TMOD3: variants seen among roughly 807,000 people sequenced by gnomAD.
TMOD3 encodes the protein tropomodulin 3, also known as tropomodulin-3.
A neutral mutation model predicts 39.2 loss-of-function variants in TMOD3; 20 were observed. The observed-to-expected ratio is 0.51, with a 90% CI of 0.36 to 0.74. The LOEUF (loss-of-function observed/expected upper bound fraction) is 0.74. Ranked by LOEUF, TMOD3 falls within the 30% of genes least tolerant of loss-of-function variation. The pLI, the probability that TMOD3 is intolerant of heterozygous loss-of-function variation, is 0.00. For synonymous variants in TMOD3, 143 were observed against 145.8 expected (o/e 0.98, Z 0.14); for missense variants, 381 against 412.8 (o/e 0.92, Z 0.67).
At chr15:51,858,427 T>TAA (rs57271370) in intron 1 of TMOD3, 8 of 138,954 alleles carry the variant, frequency 5.8e-5, no homozygotes, top group African/African-American at 8.1e-5. Flanking sequence ...AATAATTTGC[T>TAA]AAAAAAAAAA....
At position 51,901,961 on chromosome 15, in the gene TMOD3, A is replaced by C. The variant is rs772156598; in HGVS notation, c.949A>C (p.Lys317Gln). ...KMLEENTNIL[K>Q]FGYQFTQQGP... ...GCTTGAGGAAAATACAAATATCCTT[A>C]AATTTGGATATCAGTTTACACAGCA... The change falls in exon 9 of 10, where the codon AAA becomes CAA. Residue 317 changes from lysine to glutamine, a missense_variant. Lys to Gln is a moderately conservative substitution (Grantham distance 53, BLOSUM62 1). Coordinates refer to ENST00000308580, the MANE Select transcript of TMOD3 (RefSeq NM_014547.5). 1 of 1,614,146 alleles carries C rather than the reference A, an allele frequency of 6.2e-7. No homozygotes were observed. The highest frequency in any genetic ancestry group is 8.5e-7 in the Non-Finnish European group (1 of 1,180,004).
intron 1 of TMOD3, among the ~76,000 whole-genome samples, chr15:51,856,354 T>C (rs2056387732): frequency 6.6e-6 from 1 of 152,194 alleles, no homozygotes; most frequent in South Asian, 2.1e-4. Flanking sequence ...TGAAGCAGAA[T>C]TGAAACTTTG....
Position 51,862,439 on chromosome 15 carries a change from C to G in TMOD3, c.-74-372C>G, listed in dbSNP as rs146798014. On this transcript the variant is annotated intron_variant, in intron 1 of 9. Transcript: ENST00000308580. The stretch of plus-strand genomic sequence containing the variant: ...AACAATATATAGTAAAACAAATGTG[C>G]CTTAAACATATTGTGCTGAAGCAAA... Among the ~76,000 whole-genome samples, 77 of 152,156 alleles carry G rather than the reference C, an allele frequency of 5.1e-4. 1 individual carries two copies. The highest frequency in any genetic ancestry group is 1.7e-3 in the African/African-American group (72 of 41,492).
intron 1 of TMOD3, chr15:51,859,983 A>G (rs2056408788): frequency 1.8e-6 from 1 of 544,698 alleles, no homozygotes. Context: ...CTTTCCAAGC[A>G]AAAGGTGATA....
intron 3 of TMOD3, among the ~76,000 whole-genome samples, chr15:51,873,643 C>T (rs577279173): frequency 1.3e-5 from 2 of 152,122 alleles, no homozygotes; most frequent in African/African-American, 4.8e-5. Flanking sequence ...AAATTATATG[C>T]CAAAATCACA....
At chr15:51,881,585 G>A (rs1305791861) in intron 3 of TMOD3, among the ~76,000 whole-genome samples, 6 of 71,266 alleles carry the variant, frequency 8.4e-5, no homozygotes, top group African/African-American at 3.7e-4. Context: ...TTTTGAGACA[G>A]AGTTTTGCTC....
chr15:51,830,576 GT>G (rs2056249852), intron 1 of TMOD3, among the ~76,000 whole-genome samples: 1 of 152,032 alleles, frequency 6.6e-6, no homozygotes. Context: ...CTTGGCCTCT[GT>G]TAAAACCAAA....
chr15:51,859,043 A>G, intron 1 of TMOD3: 1 of 388,946 alleles, frequency 2.6e-6, no homozygotes. Context: ...TAACAAGTTA[A>G]TATAAAATTA....
At chr15:51,901,316 A>G (rs1402843596) in intron 8 of TMOD3, 2 of 152,620 alleles carry the variant, frequency 1.3e-5, no homozygotes, top group African/African-American at 4.8e-5. Context: ...TCTTCAGTAT[A>G]TAGCTAGGAG....
chr15:51,870,661 A>C (rs900199545), intron 3 of TMOD3, among the ~76,000 whole-genome samples: 10 of 152,082 alleles, frequency 6.6e-5, no homozygotes, highest in Non-Finnish European at 1.2e-4. Context: ...TCTGCACCTG[A>C]CTTTTCTAAA....
chr15:51,839,412 C>T (rs1478858975), intron 1 of TMOD3, among the ~76,000 whole-genome samples: 3 of 152,060 alleles, frequency 2.0e-5, no homozygotes, highest in African/African-American at 7.2e-5. Context: ...CTCAAGCAGT[C>T]CTCCTGCCTT....
intron 7 of TMOD3, among the ~76,000 whole-genome samples, chr15:51,897,073 A>G (rs1426526792): frequency 6.6e-6 from 1 of 152,194 alleles, no homozygotes; most frequent in Non-Finnish European, 1.5e-5. Flanking sequence ...CTTTGAGAAT[A>G]TCACTCACTC....
chr15:51,853,147 G>A (rs757549897), intron 1 of TMOD3, among the ~76,000 whole-genome samples: 13 of 152,174 alleles, frequency 8.5e-5, no homozygotes, highest in African/African-American at 2.4e-5. Context: ...AGATATCTTG[G>A]TGAACATTGA....
At chr15:51,889,869 A>G (rs2056583409) in intron 5 of TMOD3, among the ~76,000 whole-genome samples, 1 of 152,156 alleles carries the variant, frequency 6.6e-6, no homozygotes, top group African/African-American at 2.4e-5. Flanking sequence ...ATCTCAAAAA[A>G]TAAATTCATG....
chr15:51,871,415 C>T (rs940434943), intron 3 of TMOD3, among the ~76,000 whole-genome samples: 5 of 151,884 alleles, frequency 3.3e-5, no homozygotes, highest in African/African-American at 9.7e-5. Context: ...TGTTATTCTG[C>T]GTGTTTCAGG....
rs1038062064 is a variant in TMOD3 at position 51,914,957 on chromosome 15, C to T, written c.*6147C>T. The T allele has an allele frequency of 6.6e-6, 1 of 151,990 alleles. No individual in the cohort carries two copies. Among genetic ancestry groups the T allele is most frequent in the Non-Finnish European group, 1.5e-5 (1 of 68,020 alleles). The allele number at this position is 151,990 out of a possible 1,614,324, so 9.4% of individuals were successfully genotyped here. On this transcript the variant is annotated 3_prime_UTR_variant, in exon 10 of 10. Coordinates refer to ENST00000308580, the MANE Select transcript of TMOD3 (RefSeq NM_014547.5). ...ATCTTGGCCAGGCTGGTCTCGAACT[C>T]CTGACCTCGTAATCCACCCGCCTCG... is the stretch of plus-strand genomic sequence containing the variant.
intron 1 of TMOD3, chr15:51,859,497 C>T (rs2056405552): frequency 6.2e-6 from 4 of 647,822 alleles, no homozygotes; most frequent in Non-Finnish European, 1.2e-5. Flanking sequence ...ATACACAGCT[C>T]TGGCTTTTTT....
intron 1 of TMOD3, among the ~76,000 whole-genome samples, chr15:51,843,525 A>G (rs754230155): frequency 2.0e-5 from 3 of 152,204 alleles, no homozygotes; most frequent in Non-Finnish European, 2.9e-5. Flanking sequence ...AGAGCAGGAA[A>G]ACAGGAGCTT....
chr15:51,831,240 A>C (rs2056253309), intron 1 of TMOD3, among the ~76,000 whole-genome samples: 1 of 152,100 alleles, frequency 6.6e-6, no homozygotes, highest in Non-Finnish European at 1.5e-5. Context: ...TTAATTCCTA[A>C]ATTTTGTGGT....
Sources: allele counts gnomAD v4.1 joint callset (sites outside exome capture counted in the v4.1 genomes callset), GRCh38; gene constraint gnomAD v4.1.1; transcripts MANE v1.5; gene names NCBI Gene and HGNC (gene_info 2026-07-23, HGNC 2026-07-21).